The following SREK1 variants were observed in gnomAD, a reference collection of about 807,000 sequenced individuals.
SREK1 encodes splicing regulatory glutamic acid and lysine rich protein 1.
Under a neutral mutation model 66.5 loss-of-function variants are expected in SREK1, and 13 were observed. The observed-to-expected ratio is 0.20, with a 90% CI of 0.13 to 0.31. The LOEUF (loss-of-function observed/expected upper bound fraction) is 0.31. Ranked by LOEUF, SREK1 falls within the 10% of genes least tolerant of loss-of-function variation. The pLI, the probability that SREK1 is intolerant of heterozygous loss-of-function variation, is 1.00. For missense variants in SREK1, 607 were observed against 769.6 expected (o/e 0.79, Z 2.50); for synonymous variants, 265 against 263.5 (o/e 1.01, Z -0.05).
intron 6 of SREK1, 196 bp from the exon 7 acceptor site, chr5:66,164,587 G>A: frequency 1.3e-6 from 2 of 1,514,678 alleles, no homozygotes; most frequent in Non-Finnish European, 1.8e-6. Flanking sequence ...ATAATCATCT[G>A]GTTTATATGT....
intron 10 of SREK1, among the ~76,000 whole-genome samples, chr5:66,176,034 C>A (rs187498581): frequency 6.6e-6 from 1 of 152,172 alleles, no homozygotes; most frequent in African/African-American, 2.4e-5. Flanking sequence ...TAGAACTTTC[C>A]CATTGTTCCT....
rs1746622646 is a variant in SREK1 at position 66,183,033 on chromosome 5, TATA to T, written c.*4168_*4170del. ...TTATATCAGATATAACAGTTCTTAA[TATA>T]ATGTTTATAAAAGGTTTTAAGTCTG... On this transcript the variant is annotated 3_prime_UTR_variant, in exon 12 of 12. Transcript: ENST00000334121. 6.6e-6 allele frequency: 1 copy of T among 152,220 alleles called. No individual in the cohort carries two copies. Among genetic ancestry groups the T allele is most frequent in the African/African-American group, 2.4e-5 (1 of 41,466 alleles). The allele number at this position is 152,220 out of a possible 1,614,324, so 9.4% of individuals were successfully genotyped here.
chr5:66,155,100 T>G (rs1460536279), intron 2 of SREK1, among the ~76,000 whole-genome samples: 1 of 142,210 alleles, frequency 7.0e-6, no homozygotes, highest in East Asian at 2.5e-4. Context: ...TCCCATAGAA[T>G]CTTTCATATA....
At chr5:66,172,335 C>T (rs143069684) in intron 9 of SREK1, among the ~76,000 whole-genome samples, 100 of 152,136 alleles carry the variant, frequency 6.6e-4, no homozygotes, top group African/African-American at 2.1e-3. Context: ...AACTTTTTCT[C>T]GGGCCATTTT....
chr5:66,156,397 TAG>T, intron 2 of SREK1: 3 of 1,152,440 alleles, frequency 2.6e-6, no homozygotes, highest in Non-Finnish European at 3.2e-6. Flanking sequence ...AGATGATTAG[TAG>T]AGCTCAACCT....
At chr5:66,144,806 G>T in intron 1 of SREK1, 1 of 1,169,318 alleles carries the variant, frequency 8.6e-7, no homozygotes, top group Non-Finnish European at 1.1e-6. Flanking sequence ...GTTCGCTGCT[G>T]GGTCTTCGAA....
chr5:66,163,659 G>C (rs572256986), intron 5 of SREK1, 133 bp from the exon 6 acceptor site: 1 of 858,808 alleles, frequency 1.2e-6, no homozygotes, highest in African/African-American at 1.7e-5. Flanking sequence ...GTTGCTTTTG[G>C]TTATTCTGTA....
intron 3 of SREK1, among the ~76,000 whole-genome samples, chr5:66,161,142 T>C (rs975557272): frequency 6.6e-6 from 1 of 152,198 alleles, no homozygotes; most frequent in Admixed American, 6.5e-5. Flanking sequence ...GATATGAGGA[T>C]TAAGTTACTA....
At chr5:66,177,876 A>T (rs1746188969) in intron 11 of SREK1, among the ~76,000 whole-genome samples, 1 of 152,138 alleles carries the variant, frequency 6.6e-6, no homozygotes, top group Non-Finnish European at 1.5e-5. Flanking sequence ...AAATCCTAAC[A>T]TGGCATGCAA....
intron 1 of SREK1, 123 bp from the exon 2 acceptor site, chr5:66,153,340 A>G (rs948164757): frequency 7.9e-7 from 1 of 1,268,316 alleles, no homozygotes; most frequent in East Asian, 2.4e-5. Context: ...ATCCTTAATA[A>G]CAAAAAGTTT....
At chr5:66,170,983 G>T (rs762730129) in intron 9 of SREK1, 36 bp downstream of exon 9, 9 of 1,563,222 alleles carry the variant, frequency 5.8e-6, no homozygotes, top group Non-Finnish European at 6.9e-6. Flanking sequence ...AAAGGGATTT[G>T]CTGATGACAA....
Position 66,174,940 on chromosome 5 carries a change from T to A in SREK1, c.1485-6T>A. The stretch of plus-strand genomic sequence containing the variant: ...TTTTTAAAAATGATGTGTTTTTGAT[T>A]TTCAGGGAAAGGCGTAGGAGGAGGA... On this transcript the variant is annotated splice_region_variant and splice_polypyrimidine_tract_variant and intron_variant, in intron 9 of 11. Transcript: ENST00000334121. The A allele has an allele frequency of 6.2e-7, 1 of 1,609,108 alleles. No individual in the cohort carries two copies. The highest frequency in any genetic ancestry group is 8.5e-7 in the Non-Finnish European group (1 of 1,178,198).
intron 2 of SREK1, among the ~76,000 whole-genome samples, chr5:66,155,214 G>C (rs544620868): frequency 9.5e-4 from 145 of 152,270 alleles, no homozygotes; most frequent in Admixed American, 2.0e-3. Flanking sequence ...TAAATGCACA[G>C]TCAGATGTAC....
Position 66,182,675 on chromosome 5 carries a change from C to T in SREK1, c.*3807C>T, listed in dbSNP as rs1746590399. 1 of 152,134 alleles carries T rather than the reference C, an allele frequency of 6.6e-6. No homozygotes were observed. Among genetic ancestry groups the T allele is most frequent in the South Asian group, 2.1e-4 (1 of 4,824 alleles). 9.4% of individuals were successfully genotyped at this position (152,134 alleles called of 1,614,324 possible). ...GACCTTTCTCGGCATGGATGATCCT[C>T]TCACCTCAGCCTCTTGAATAGCTGG... On this transcript the variant is annotated 3_prime_UTR_variant, in exon 12 of 12. Transcript: ENST00000334121.
chr5:66,144,617 A>ACGCGGG (rs1742987945), intron 1 of SREK1, 80 bp downstream of exon 1: 1 of 1,468,232 alleles, frequency 6.8e-7, no homozygotes, highest in Non-Finnish European at 9.0e-7. Flanking sequence ...GAGAGCGCGG[A>ACGCGGG]CGCGGGCGCG....
chr5:66,159,391 G>A (rs149745519), intron 3 of SREK1, 57 bp downstream of exon 3: 27 of 1,338,878 alleles, frequency 2.0e-5, no homozygotes, highest in African/African-American at 3.0e-5. Context: ...GTGACCAGTT[G>A]AATAGAGAGC....
chr5:66,168,742 T>G (rs1231485041), intron 7 of SREK1: 1 of 152,244 alleles, frequency 6.6e-6, no homozygotes, highest in Non-Finnish European at 1.5e-5. Flanking sequence ...AGATGAGTTT[T>G]AGCTGTATAA....
chr5:66,158,303 C>T (rs986280424), intron 2 of SREK1: 1 of 151,956 alleles, frequency 6.6e-6, no homozygotes, highest in African/African-American at 2.4e-5. Context: ...TTTAATGTTA[C>T]TATTGTTATT....
At chr5:66,165,358 C>T (rs984785276) in intron 7 of SREK1, 1 of 156,306 alleles carries the variant, frequency 6.4e-6, no homozygotes, top group Admixed American at 6.3e-5. Context: ...ATTTTCAGTA[C>T]CACGTATCCA....
Sources: gnomAD v4.1 joint callset for allele counts (sites outside exome capture counted in the v4.1 genomes callset) on GRCh38, gnomAD v4.1.1 for gene constraint, MANE v1.5 for transcripts, NCBI Gene and HGNC (gene_info 2026-07-23, HGNC 2026-07-21) for gene names.